RTTN: variants seen among roughly 807,000 people sequenced by gnomAD.
RTTN encodes the protein rotatin.
A neutral mutation model predicts 269.2 loss-of-function variants in RTTN; 182 were observed. The ratio of observed to expected loss-of-function variants is 0.68; its 90% CI spans 0.60 to 0.76. The LOEUF (loss-of-function observed/expected upper bound fraction) is 0.76, where lower values mean the gene tolerates loss of function less well. RTTN is among the 30% of genes least tolerant of loss of function. The pLI is 0.00. For synonymous variants in RTTN, 1,006 were observed against 963.5 expected (o/e 1.04, Z -0.82); for missense variants, 2,545 against 2,608.6 (o/e 0.98, Z 0.53).
intron 20 of RTTN, 184 bp from the exon 21 acceptor site, chr18:70,139,900 C>T: frequency 1.6e-6 from 1 of 617,344 alleles, no homozygotes; most frequent in Non-Finnish European, 2.9e-6. Context: ...CTTCTATCAC[C>T]TATCTTATGG....
At chr18:70,048,215 G>A in intron 39 of RTTN, 27 bp from the exon 40 acceptor site, 1 of 1,574,734 alleles carries the variant, frequency 6.4e-7, no homozygotes, top group Non-Finnish European at 8.7e-7. Flanking sequence ...AGATGTGAAT[G>A]TTTGAAAATT....
intron 14 of RTTN, among the ~76,000 whole-genome samples, chr18:70,162,886 G>GAAAAAAA (rs5825997): frequency 7.4e-4 from 37 of 50,068 alleles, no homozygotes; most frequent in East Asian, 1.4e-3. Flanking sequence ...AATAAAAGTT[G>GAAAAAAA]AAAAAAAAAA....
At chr18:70,165,969 TAC>T (rs2060973737) in intron 14 of RTTN, 91 bp downstream of exon 14, 1 of 1,285,786 alleles carries the variant, frequency 7.8e-7, no homozygotes, top group Non-Finnish European at 1.1e-6. Flanking sequence ...TTATATCTCA[TAC>T]AAAAGGTCAA....
intron 4 of RTTN, among the ~76,000 whole-genome samples, chr18:70,200,912 G>A (rs563237125): frequency 6.6e-6 from 1 of 152,302 alleles, no homozygotes; most frequent in East Asian, 1.9e-4. Context: ...TATACTGAGT[G>A]CCTAATACAT....
intron 46 of RTTN, 151 bp downstream of exon 46, chr18:70,017,256 T>C (rs899277317): frequency 5.4e-5 from 40 of 742,470 alleles, no homozygotes; most frequent in Non-Finnish European, 8.4e-5. Context: ...GCTGAAGCCA[T>C]GCCTGATTCA....
intron 34 of RTTN, among the ~76,000 whole-genome samples, chr18:70,070,240 AG>A (rs2058259167): frequency 6.6e-6 from 1 of 152,218 alleles, no homozygotes; most frequent in Non-Finnish European, 1.5e-5. Context: ...AATTTCCAAG[AG>A]CTTGTCTCAC....
intron 25 of RTTN, among the ~76,000 whole-genome samples, chr18:70,124,550 T>C (rs1176648243): frequency 6.6e-6 from 1 of 151,992 alleles, no homozygotes; most frequent in Non-Finnish European, 1.5e-5. Context: ...CAAGGATGTA[T>C]AAAACAGAAG....
chr18:70,051,689 G>T, intron 38 of RTTN, 141 bp from the exon 39 acceptor site: 3 of 543,024 alleles, frequency 5.5e-6, no homozygotes, highest in Non-Finnish European at 6.0e-6. Context: ...ATCTAATTCA[G>T]CATTATCCAA....
intron 11 of RTTN, among the ~76,000 whole-genome samples, chr18:70,176,213 ATGTAT>A (rs2061293747): frequency 1.4e-5 from 1 of 70,084 alleles, no homozygotes; most frequent in Non-Finnish European, 3.0e-5. Flanking sequence ...GTATATGTAT[ATGTAT>A]ATGTATATGT....
intron 11 of RTTN, among the ~76,000 whole-genome samples, chr18:70,170,422 G>A (rs2061108136): frequency 6.6e-6 from 1 of 152,234 alleles, no homozygotes; most frequent in Non-Finnish European, 1.5e-5. Flanking sequence ...GTAATGGGGA[G>A]TGGAGGCAGG....
intron 27 of RTTN, among the ~76,000 whole-genome samples, chr18:70,114,210 T>C (rs930020236): frequency 1.3e-5 from 2 of 152,052 alleles, no homozygotes; most frequent in African/African-American, 2.4e-5. Context: ...AGAACAAAAC[T>C]GTGTGTGTGC....
intron 25 of RTTN, among the ~76,000 whole-genome samples, chr18:70,125,347 T>G (rs897583628): frequency 2.6e-5 from 4 of 152,018 alleles, no homozygotes; most frequent in African/African-American, 9.7e-5. Context: ...CAAAATATAA[T>G]AAGACTTCCT....
intron 7 of RTTN, 126 bp from the exon 8 acceptor site, chr18:70,193,579 T>C: frequency 1.4e-6 from 1 of 693,926 alleles, no homozygotes; most frequent in Non-Finnish European, 2.2e-6. Flanking sequence ...TCTACAGGGG[T>C]AAAAACAAAA....
chr18:70,175,461 A>C (rs911666157), intron 11 of RTTN, among the ~76,000 whole-genome samples: 3 of 152,212 alleles, frequency 2.0e-5, no homozygotes, highest in African/African-American at 7.2e-5. Flanking sequence ...TTTAGACATA[A>C]AACAAGTTAC....
intron 23 of RTTN, 86 bp from the exon 24 acceptor site, chr18:70,128,632 A>C: frequency 9.8e-7 from 1 of 1,025,218 alleles, no homozygotes; most frequent in Non-Finnish European, 1.5e-6. Flanking sequence ...GGGCTAGTTC[A>C]ATGCCTCCCA....
intron 43 of RTTN, among the ~76,000 whole-genome samples, chr18:70,026,062 C>T (rs895956535): frequency 1.3e-5 from 2 of 152,200 alleles, no homozygotes; most frequent in Non-Finnish European, 2.9e-5. Flanking sequence ...CTATTCATGA[C>T]CAAACTTCTA....
chr18:70,006,519 C>T (rs755282536), intron 46 of RTTN, 35 bp from the exon 47 acceptor site: 1 of 1,452,942 alleles, frequency 6.9e-7, no homozygotes, highest in Admixed American at 1.7e-5. Flanking sequence ...AAAGTTCAGT[C>T]CCAGACACTG....
chr18:70,103,567 T>C (rs1246382770), intron 28 of RTTN, among the ~76,000 whole-genome samples: 1 of 151,778 alleles, frequency 6.6e-6, no homozygotes, highest in African/African-American at 2.4e-5. Context: ...AGCATGCTGG[T>C]CAAGAGTCAC....
chr18:70,048,414 C>A (rs1202013544), intron 39 of RTTN, among the ~76,000 whole-genome samples: 3 of 152,188 alleles, frequency 2.0e-5, no homozygotes, highest in Non-Finnish European at 4.4e-5. Context: ...GCAGTTCAGA[C>A]AGCACATGAG....
Sources: allele counts gnomAD v4.1 joint callset (sites outside exome capture counted in the v4.1 genomes callset), GRCh38; gene constraint gnomAD v4.1.1; transcripts MANE v1.5; gene names NCBI Gene and HGNC (gene_info 2026-07-23, HGNC 2026-07-21).